The following RRAGC variants were observed in gnomAD, a reference collection of about 807,000 sequenced individuals.
The protein encoded by RRAGC is Ras related GTP binding C, also known as ras-related GTP-binding protein C.
In RRAGC, 8 loss-of-function variants were observed where a neutral mutation model predicts 37.1. The ratio of observed to expected loss-of-function variants is 0.22; its 90% CI spans 0.13 to 0.39. The LOEUF (loss-of-function observed/expected upper bound fraction) is 0.39. Ranked by LOEUF, RRAGC falls within the 10% of genes least tolerant of loss-of-function variation. RRAGC has a pLI of 1.00. For missense variants in RRAGC, 342 were observed against 497.6 expected (o/e 0.69, Z 2.98); for synonymous variants, 190 against 181.1 (o/e 1.05, Z -0.39).
At chr1:38,853,930 C>T (rs1292656135) in intron 3 of RRAGC, among the ~76,000 whole-genome samples, 5 of 152,038 alleles carry the variant, frequency 3.3e-5, no homozygotes, top group African/African-American at 1.2e-4. Flanking sequence ...AAAGAATGTC[C>T]CGCACCTTTG....
Position 38,859,731 on chromosome 1 carries a change from CG to C in RRAGC, c.-86del. The C allele has an allele frequency of 3.4e-6, 4 of 1,169,780 alleles. No individual in the cohort carries two copies. Among genetic ancestry groups the C allele is most frequent in the Non-Finnish European group, 3.2e-6 (3 of 930,942 alleles). The allele number at this position is 1,169,780 out of a possible 1,614,324, so 72.5% of individuals were successfully genotyped here. A position where few individuals can be genotyped will look rare whatever the true frequency, so the allele number is the denominator to read the frequency against. On this transcript the variant is annotated 5_prime_UTR_variant, in exon 1 of 7. Transcript: ENST00000373001. Reference sequence around the variant, plus strand: ...CGCCTCCCCAGTCCGCCTCCGCCGCCGCCGCCACCACCGCCACCGCCCCCGG... The same window carrying C: ...CGCCTCCCCAGTCCGCCTCCGCCGCCCCGCCACCACCGCCACCGCCCCCGG...
At position 38,859,516 on chromosome 1, in the gene RRAGC, A is replaced by G. The variant is rs992919617; in HGVS notation, c.131T>C (p.Val44Ala). Residue 44 changes from valine to alanine, a missense_variant, in exon 1 of 7, where the codon GTT becomes GCT. Physicochemically the swap from Val to Ala is moderately conservative, Grantham distance 64. This residue lies in a region of RRAGC where 104 missense variants were observed against 93.4 expected (regional missense o/e 1.11). Coordinates refer to ENST00000373001, the MANE Select transcript of RRAGC (RefSeq NM_022157.4). Reference sequence around the variant, plus strand: ...ACAGCCACCGCCTGCCCCTGCCCCAACCCCTCCGCCCGCCGCCGCCGCCTC... The same window carrying G: ...ACAGCCACCGCCTGCCCCTGCCCCAGCCCCTCCGCCCGCCGCCGCCGCCTC... ...EEEAAAAGGG[V>A]GAGAGGGCGP... is the part of the protein sequence containing the mutation. 112 of 1,544,178 alleles carry G rather than the reference A, an allele frequency of 7.3e-5. No individual in the cohort carries two copies. Among genetic ancestry groups the G allele is most frequent in the Non-Finnish European group, 9.6e-5 (110 of 1,145,112 alleles).
rs764907659 is a variant in RRAGC at position 38,851,647 on chromosome 1, G to C, written c.867C>G (p.Ile289Met). The part of the protein sequence containing the change: ...MQSYELCCDM[I>M]DVVIDVSCIY... ...TACAAGACACATCAATTACAACATC[G>C]ATCATGTCACAGCAAAGTTCATAAG... The change falls in exon 5 of 7, where the codon ATC (isoleucine) becomes ATG (methionine). Residue 289 changes from isoleucine (I) to methionine (M), a missense_variant. By Grantham distance (10) the Ile-to-Met change is conservative. Transcript: ENST00000373001. 2 of 1,571,758 alleles carry C rather than the reference G, an allele frequency of 1.3e-6. No individual in the cohort carries two copies. Among genetic ancestry groups the C allele is most frequent in the East Asian group, 2.3e-5 (1 of 43,136 alleles).
In RRAGC at chr1:38,859,413, C is replaced by T; in HGVS notation, c.234G>A (p.Gln78=). Residue 78 remains glutamine, a synonymous_variant, in exon 1 of 7, where the codon CAG becomes CAA. Coordinates refer to ENST00000373001, the MANE Select transcript of RRAGC (RefSeq NM_022157.4). ...GACTGGGCGCAGCCCTGCTCACCTTCTGGATGGAGGACTTGCCGCTGCGCC... is the reference window on the plus strand; with the variant it reads ...GACTGGGCGCAGCCCTGCTCACCTTTTGGATGGAGGACTTGCCGCTGCGCC... ...GLRRSGKSSI[Q]KVVFHKMSPN... 6.5e-7 allele frequency: 1 copy of T among 1,548,190 alleles called. No individual in the cohort carries two copies. The highest frequency in any genetic ancestry group is 1.2e-5 in the South Asian group (1 of 83,998).
At chr1:38,851,868 A>T (rs1399375590) in intron 4 of RRAGC, 111 bp from the exon 5 acceptor site, 2 of 900,070 alleles carry the variant, frequency 2.2e-6, no homozygotes, top group Admixed American at 2.8e-5. Flanking sequence ...TAATTATATA[A>T]CCCAATACCA....
intron 3 of RRAGC, chr1:38,852,696 C>A (rs1034738064): frequency 2.8e-6 from 1 of 356,572 alleles, no homozygotes; most frequent in Middle Eastern, 8.1e-4. Flanking sequence ...ACACAGGGGG[C>A]AACTGAAGTA....
intron 6 of RRAGC, among the ~76,000 whole-genome samples, chr1:38,843,898 T>C (rs1247306238): frequency 6.6e-6 from 1 of 152,074 alleles, no homozygotes; most frequent in Admixed American, 6.6e-5. Flanking sequence ...ATGAATATTA[T>C]CAAGTAAGAG....
intron 5 of RRAGC, chr1:38,846,959 A>C (rs1642035201): frequency 6.6e-6 from 1 of 151,850 alleles, no homozygotes; most frequent in Non-Finnish European, 1.5e-5. Flanking sequence ...AAAAAATAAA[A>C]AGTAGCCGGG....
Position 38,859,719 on chromosome 1 carries a change from C to T in RRAGC, c.-73G>A. 4 of 1,204,176 alleles carry T rather than the reference C, an allele frequency of 3.3e-6. No homozygotes were observed. The highest frequency in any genetic ancestry group is 3.3e-5 in the East Asian group (1 of 30,746). The allele number at this position is 1,204,176 out of a possible 1,614,324, so 74.6% of individuals were successfully genotyped here. A position where few individuals can be genotyped will look rare whatever the true frequency, so the allele number is the denominator to read the frequency against. On this transcript the variant is annotated 5_prime_UTR_variant, in exon 1 of 7. Coordinates refer to ENST00000373001, the MANE Select transcript of RRAGC (RefSeq NM_022157.4). ...GAGCCAGGCCGCCGCCTCCCCAGTC[C>T]GCCTCCGCCGCCGCCGCCACCACCG...
intron 6 of RRAGC, among the ~76,000 whole-genome samples, chr1:38,845,358 A>T (rs1642015602): frequency 1.3e-5 from 2 of 152,220 alleles, no homozygotes; most frequent in Admixed American, 6.5e-5. Context: ...CATCATTCTC[A>T]GCAAACTAAC....
chr1:38,842,974 A>G (rs1053967316), intron 6 of RRAGC, among the ~76,000 whole-genome samples: 5 of 152,212 alleles, frequency 3.3e-5, no homozygotes, highest in Non-Finnish European at 7.3e-5. Flanking sequence ...TGAAGTGAAA[A>G]AATAAGAAAA....
Position 38,859,650 on chromosome 1 carries a change from G to A in RRAGC, c.-4C>T. On this transcript the variant is annotated 5_prime_UTR_variant, in exon 1 of 7. Coordinates refer to ENST00000373001, the MANE Select transcript of RRAGC (RefSeq NM_022157.4). Reference sequence around the variant, plus strand: ...CCGCCCCGTACTGCAGGGACATGGTGCTGGAGCCGCCGCCGCCCGCGCCCT... The same window carrying A: ...CCGCCCCGTACTGCAGGGACATGGTACTGGAGCCGCCGCCGCCCGCGCCCT... 6.5e-7 allele frequency: 1 copy of A among 1,541,668 alleles called. No individual in the cohort carries two copies. The highest frequency in any genetic ancestry group is 8.7e-7 in the Non-Finnish European group (1 of 1,144,948).
At chr1:38,845,736 T>C (rs1201655110) in intron 6 of RRAGC, among the ~76,000 whole-genome samples, 1 of 152,098 alleles carries the variant, frequency 6.6e-6, no homozygotes, top group Non-Finnish European at 1.5e-5. Context: ...AGAATTAAAA[T>C]CTTGATTTAA....
At chr1:38,842,262 A>G (rs1641973670) in intron 6 of RRAGC, among the ~76,000 whole-genome samples, 1 of 152,162 alleles carries the variant, frequency 6.6e-6, no homozygotes, top group African/African-American at 2.4e-5. Flanking sequence ...ACAGAGCGAG[A>G]CTCTATCTCA....
chr1:38,845,178 A>G (rs116444388), intron 6 of RRAGC, among the ~76,000 whole-genome samples: 2,681 of 152,328 alleles, frequency 0.018, 83 homozygotes, highest in African/African-American at 0.056. Flanking sequence ...ACGCACACGT[A>G]TGCTTATTGC....
intron 5 of RRAGC, among the ~76,000 whole-genome samples, chr1:38,850,944 A>T (rs1642094806): frequency 6.6e-6 from 1 of 152,138 alleles, no homozygotes; most frequent in South Asian, 2.1e-4. Flanking sequence ...ATCTGGGATT[A>T]TGGGCACAAG....
rs926212158 is a variant in RRAGC at position 38,859,719 on chromosome 1, C to A, written c.-73G>T. On this transcript the variant is annotated 5_prime_UTR_variant, in exon 1 of 7. Transcript: ENST00000373001. ...GAGCCAGGCCGCCGCCTCCCCAGTC[C>A]GCCTCCGCCGCCGCCGCCACCACCG... The A allele has an allele frequency of 1.8e-5, 22 of 1,204,070 alleles. No individual in the cohort carries two copies. Among genetic ancestry groups the A allele is most frequent in the Non-Finnish European group, 2.3e-5 (22 of 957,268 alleles). The allele number at this position is 1,204,070 out of a possible 1,614,324, so 74.6% of individuals were successfully genotyped here.
chr1:38,842,141 G>A (rs1421158503), intron 6 of RRAGC, among the ~76,000 whole-genome samples: 2 of 152,262 alleles, frequency 1.3e-5, no homozygotes, highest in South Asian at 2.1e-4. Flanking sequence ...GCGTGCAGGC[G>A]GGCGCCTGTA....
In RRAGC at chr1:38,851,706, T is replaced by C. The variant is rs1210802570; in HGVS notation, c.808A>G (p.Ile270Val). ...FLFDVVSKIY[I>V]ATDSSPVDMQ... ...TCCACAGGGGAACTGTCTGTTGCAA[T>C]GTAGATTTTGCTGACAACATCAAAG... Residue 270 changes from isoleucine (I) to valine (V), a missense_variant, in exon 5 of 7, where the codon ATT (isoleucine) becomes GTT (valine). Physicochemically the swap from Ile to Val is conservative, Grantham distance 29 (BLOSUM62 3). Coordinates refer to ENST00000373001, the MANE Select transcript of RRAGC (RefSeq NM_022157.4). The C allele has an allele frequency of 1.2e-6, 2 of 1,605,530 alleles. No individual in the cohort carries two copies. The highest frequency in any genetic ancestry group is 1.7e-6 in the Non-Finnish European group (2 of 1,177,824).
Sources: allele counts gnomAD v4.1 joint callset (sites outside exome capture counted in the v4.1 genomes callset), GRCh38; gene constraint gnomAD v4.1.1; regional missense constraint gnomAD v4.1.1; transcripts MANE v1.5; gene names NCBI Gene and HGNC (gene_info 2026-07-23, HGNC 2026-07-21).